GRM1: variants seen among roughly 807,000 people sequenced by gnomAD.
The protein encoded by GRM1 is metabotropic glutamate receptor 1.
In GRM1, 33 loss-of-function variants were observed where a neutral mutation model predicts 90.9. The ratio of observed to expected loss-of-function variants is 0.36; its 90% CI spans 0.28 to 0.49. The LOEUF is 0.49. Ranked by LOEUF, GRM1 falls within the 20% of genes least tolerant of loss-of-function variation. The probability of loss-of-function intolerance (pLI) is 0.99; values close to 1 mark genes in which losing one functional copy is unlikely to be tolerated. For synonymous variants in GRM1, 700 were observed against 613.2 expected, an observed-to-expected ratio of 1.14 and a Z score of -2.09; for missense variants, 1,190 against 1,534.3, an observed-to-expected ratio of 0.78 and a Z score of 3.75.
chr6:146,400,032 G>C (rs757283473), intron 7 of GRM1, among the ~76,000 whole-genome samples: 4 of 152,210 alleles, frequency 2.6e-5, no homozygotes, highest in Non-Finnish European at 4.4e-5. Flanking sequence ...TCCTTCTATG[G>C]AGCATCATTT....
chr6:146,430,299 G>T (rs1039427658), intron 7 of GRM1, among the ~76,000 whole-genome samples: 2 of 152,192 alleles, frequency 1.3e-5, no homozygotes, highest in Admixed American at 1.3e-4. Context: ...GGCCTGCCTA[G>T]CTGTCCACAC....
intron 1 of GRM1, among the ~76,000 whole-genome samples, chr6:146,109,650 C>T (rs1410641702): frequency 6.6e-6 from 1 of 152,138 alleles, no homozygotes; most frequent in African/African-American, 2.4e-5. Flanking sequence ...GGGCCACTGA[C>T]CTCCAGACCC....
chr6:146,430,876 C>T (rs1200493875), intron 7 of GRM1, among the ~76,000 whole-genome samples: 2 of 152,196 alleles, frequency 1.3e-5, no homozygotes, highest in African/African-American at 4.8e-5. Flanking sequence ...TATTGAATAA[C>T]ACTCTTTATC....
chr6:146,232,123 G>A (rs1281729740), intron 2 of GRM1, among the ~76,000 whole-genome samples: 2 of 152,028 alleles, frequency 1.3e-5, no homozygotes, highest in Non-Finnish European at 2.9e-5. Flanking sequence ...TTATTTATTG[G>A]ATAAGCTTTG....
At chr6:146,118,014 G>T (rs1775822447) in intron 1 of GRM1, among the ~76,000 whole-genome samples, 1 of 151,406 alleles carries the variant, frequency 6.6e-6, no homozygotes, top group African/African-American at 2.4e-5. Context: ...ATTCATTTTT[G>T]ATTTTGCTGC....
intron 5 of GRM1, among the ~76,000 whole-genome samples, chr6:146,376,435 T>G (rs1036468916): frequency 2.6e-5 from 4 of 152,182 alleles, no homozygotes; most frequent in African/African-American, 7.2e-5. Context: ...AGTACTCCCT[T>G]AAGTATTTCT....
chr6:146,316,984 C>G (rs549228922), intron 3 of GRM1, among the ~76,000 whole-genome samples: 1 of 152,286 alleles, frequency 6.6e-6, no homozygotes, highest in East Asian at 1.9e-4. Flanking sequence ...GCACAACCTG[C>G]GTTAATAGCC....
intron 1 of GRM1, among the ~76,000 whole-genome samples, chr6:146,075,637 T>C (rs1461510365): frequency 2.0e-5 from 3 of 152,160 alleles, no homozygotes; most frequent in African/African-American, 7.2e-5. Context: ...TAATTTAAAA[T>C]AATAGAAATG....
At chr6:146,150,814 G>T (rs1777296714) in intron 1 of GRM1, among the ~76,000 whole-genome samples, 1 of 151,994 alleles carries the variant, frequency 6.6e-6, no homozygotes, top group South Asian at 2.1e-4. Flanking sequence ...ACTTGTTTTT[G>T]TATGCCTGGC....
intron 1 of GRM1, among the ~76,000 whole-genome samples, chr6:146,158,140 A>G (rs1777584879): frequency 6.6e-6 from 1 of 152,236 alleles, no homozygotes; most frequent in Middle Eastern, 3.4e-3. Flanking sequence ...TTTTTTAGCC[A>G]TATTTAGGTG....
chr6:146,231,912 G>A (rs915574167), intron 2 of GRM1, among the ~76,000 whole-genome samples: 2 of 151,848 alleles, frequency 1.3e-5, no homozygotes, highest in African/African-American at 2.4e-5. Flanking sequence ...TTCTGTAAGC[G>A]TACATCTTAG....
chr6:146,133,793 C>T (rs1776502115), intron 1 of GRM1, among the ~76,000 whole-genome samples: 1 of 152,200 alleles, frequency 6.6e-6, no homozygotes, highest in Non-Finnish European at 1.5e-5. Flanking sequence ...TGCCTGCTGC[C>T]TTCAGAAGGA....
intron 2 of GRM1, among the ~76,000 whole-genome samples, chr6:146,168,318 G>A (rs1171140903): frequency 6.6e-6 from 1 of 151,788 alleles, no homozygotes; most frequent in Non-Finnish European, 1.5e-5. Context: ...TATTGCCCAT[G>A]TCCCAAGAAT....
chr6:146,356,941 C>T (rs1280123703), intron 4 of GRM1, among the ~76,000 whole-genome samples: 1 of 151,972 alleles, frequency 6.6e-6, no homozygotes, highest in African/African-American at 2.4e-5. Flanking sequence ...TAACTGATAC[C>T]AGCTATTTGG....
intron 1 of GRM1, among the ~76,000 whole-genome samples, chr6:146,084,279 C>G (rs1776466789): frequency 1.3e-5 from 2 of 151,800 alleles, no homozygotes; most frequent in Non-Finnish European, 2.9e-5. Context: ...CTTCTGCTGG[C>G]TTTTGGATTT....
chr6:146,359,755 C>G (rs362844), intron 5 of GRM1, among the ~76,000 whole-genome samples: 29,893 of 152,068 alleles, frequency 0.2, 3,860 homozygotes, highest in African/African-American at 0.37. Flanking sequence ...TGAAGTGTTT[C>G]TGCCATCATG....
intron 1 of GRM1, among the ~76,000 whole-genome samples, chr6:146,092,915 T>A (rs1457977785): frequency 6.6e-6 from 1 of 152,132 alleles, no homozygotes; most frequent in African/African-American, 2.4e-5. Context: ...AGAGTAGAAA[T>A]AGAGTATGAA....
intron 7 of GRM1, among the ~76,000 whole-genome samples, chr6:146,400,977 T>A (rs938627565): frequency 3.9e-5 from 6 of 152,132 alleles, no homozygotes; most frequent in African/African-American, 9.6e-5. Context: ...AACTTTTCAA[T>A]GTAATTCCCC....
intron 1 of GRM1, among the ~76,000 whole-genome samples, chr6:146,091,610 A>G (rs1776718899): frequency 6.6e-6 from 1 of 152,078 alleles, no homozygotes; most frequent in African/African-American, 2.4e-5. Context: ...CATGGGGGAA[A>G]CTGGCTGGAG....
Sources: allele counts gnomAD v4.1 joint callset (sites outside exome capture counted in the v4.1 genomes callset), GRCh38; gene constraint gnomAD v4.1.1; transcripts MANE v1.5; gene names NCBI Gene and HGNC (gene_info 2026-07-23, HGNC 2026-07-21).